The following NBEA variants were observed in gnomAD, a reference collection of about 807,000 sequenced individuals.
NBEA encodes the protein lysosomal-trafficking regulator 2.
Under a neutral mutation model 343.4 loss-of-function variants are expected in NBEA, and 44 were observed. The observed-to-expected ratio is 0.13, with a 90% CI of 0.10 to 0.16. The LOEUF (loss-of-function observed/expected upper bound fraction) is 0.16. NBEA is among the 10% of genes least tolerant of loss of function. NBEA has a pLI of 1.00. For synonymous variants in NBEA, 1,175 were observed against 1,238.7 expected, an observed-to-expected ratio of 0.95 and a Z score of 1.08; for missense variants, 2,555 against 3,631.3, an observed-to-expected ratio of 0.70 and a Z score of 7.62.
chr13:35,061,725 C>T (rs1309975385), intron 8 of NBEA, among the ~76,000 whole-genome samples: 2 of 151,816 alleles, frequency 1.3e-5, no homozygotes, highest in East Asian at 3.9e-4. Flanking sequence ...TTAAAATTCA[C>T]TTCAGAGGAT....
Position 34,943,083 on chromosome 13 carries a change from A to G in NBEA, c.263A>G (p.Asn88Ser), listed in dbSNP as rs199909627. ...CTCATACAGGTCGGAGAGGTCAGCA[A>G]CAGGGACATCGTGGAGACGGTGCTC... ...IGLIQVGEVSNRDIVETVLNL... is the reference protein window; with the variant it reads ...IGLIQVGEVSSRDIVETVLNL... The change falls in exon 1 of 59, where the codon AAC becomes AGC. Residue 88 changes from asparagine (N) to serine (S), a missense_variant. Coordinates refer to ENST00000379939, the MANE Select transcript of NBEA (RefSeq NM_001385012.1). 69 of 1,613,642 alleles carry G rather than the reference A, an allele frequency of 4.3e-5. No individual in the cohort carries two copies. The highest frequency in any genetic ancestry group is 8.5e-7 in the Non-Finnish European group (1 of 1,179,784).
intron 34 of NBEA, among the ~76,000 whole-genome samples, chr13:35,244,024 C>A (rs1231190268): frequency 6.6e-6 from 1 of 151,702 alleles, no homozygotes; most frequent in Non-Finnish European, 1.5e-5. Flanking sequence ...TACATTAAGA[C>A]CATATGTTAG....
chr13:35,404,610 G>A (rs1429502408), intron 38 of NBEA, among the ~76,000 whole-genome samples: 3 of 112,142 alleles, frequency 2.7e-5, no homozygotes, highest in Admixed American at 2.1e-4. Context: ...TTGTGGGGTG[G>A]GGGGAGGGGG....
intron 37 of NBEA, among the ~76,000 whole-genome samples, chr13:35,350,820 T>A (rs1346158588): frequency 6.6e-6 from 1 of 150,970 alleles, no homozygotes; most frequent in Middle Eastern, 3.4e-3. Context: ...ATTTTACAAG[T>A]CATGACATTT....
chr13:35,029,855 A>G (rs762476459), intron 1 of NBEA, among the ~76,000 whole-genome samples: 29 of 151,694 alleles, frequency 1.9e-4, no homozygotes, highest in Non-Finnish European at 4.0e-4. Flanking sequence ...ACTGCAGTTT[A>G]AAAAGCTCAG....
intron 33 of NBEA, among the ~76,000 whole-genome samples, chr13:35,226,903 G>T (rs1015454823): frequency 2.0e-5 from 3 of 151,698 alleles, no homozygotes; most frequent in Non-Finnish European, 1.5e-5. Context: ...GCTCACGTAG[G>T]CATTACACAT....
intron 41 of NBEA, among the ~76,000 whole-genome samples, chr13:35,505,104 TAA>T (rs2077026241): frequency 6.6e-6 from 1 of 152,120 alleles, no homozygotes; most frequent in Non-Finnish European, 1.5e-5. Context: ...ATAACATTTT[TAA>T]AAGAGGCTAT....
chr13:35,256,597 A>G (rs74048962), intron 34 of NBEA, among the ~76,000 whole-genome samples: 2,303 of 152,110 alleles, frequency 0.015, 53 homozygotes, highest in African/African-American at 0.052. Context: ...CAGGCTGTTC[A>G]TGCCGAGGGG....
chr13:35,652,143 C>T (rs1254588843), intron 53 of NBEA, among the ~76,000 whole-genome samples: 2 of 151,908 alleles, frequency 1.3e-5, no homozygotes, highest in African/African-American at 4.8e-5. Context: ...TTCTTTCAGC[C>T]TAAAGTGTTC....
intron 49 of NBEA, among the ~76,000 whole-genome samples, chr13:35,628,452 C>A (rs1231411106): frequency 6.6e-6 from 1 of 152,194 alleles, no homozygotes; most frequent in Non-Finnish European, 1.5e-5. Flanking sequence ...ATTTCAGACA[C>A]TTTAAATATA....
chr13:35,142,411 G>A lies in NBEA; in HGVS notation c.2445+34G>A, dbSNP rs777214903. ...AAAAAATGTGTGATGAAAGTTTTAA[G>A]TGTATACAGTGGAAACCCTCTTAAT... On this transcript the variant is annotated intron_variant, in intron 18 of 58. Coordinates refer to ENST00000379939, the MANE Select transcript of NBEA (RefSeq NM_001385012.1). 6.7e-6 allele frequency: 10 copies of A among 1,488,750 alleles called. No individual in the cohort carries two copies. In the African/African-American group the frequency reaches 6.9e-5, roughly 10 times the overall value. The allele number at this position is 1,488,750 out of a possible 1,614,324, so 92.2% of individuals were successfully genotyped here. A position where few individuals can be genotyped will look rare whatever the true frequency, so the allele number is the denominator to read the frequency against.
intron 17 of NBEA, among the ~76,000 whole-genome samples, chr13:35,124,578 A>G (rs988631256): frequency 1.3e-5 from 2 of 150,406 alleles, no homozygotes; most frequent in African/African-American, 4.9e-5. Context: ...ATGGATATAT[A>G]TATACATACA....
chr13:34,983,375 AG>A (rs1334810032), intron 1 of NBEA, among the ~76,000 whole-genome samples: 2 of 152,174 alleles, frequency 1.3e-5, no homozygotes, highest in Non-Finnish European at 2.9e-5. Flanking sequence ...ATGGCTGCAT[AG>A]TATCCCATGG....
intron 1 of NBEA, among the ~76,000 whole-genome samples, chr13:34,948,599 C>A (rs1313248247): frequency 6.6e-6 from 1 of 151,910 alleles, no homozygotes; most frequent in African/African-American, 2.4e-5. Context: ...AGAAGGAATC[C>A]CCAGTAACAT....
intron 41 of NBEA, chr13:35,475,727 G>C: frequency 1.2e-6 from 2 of 1,613,896 alleles, no homozygotes; most frequent in Non-Finnish European, 1.7e-6. Context: ...TCTACCGCTT[G>C]AGCCACCAGC....
At chr13:35,010,744 ATATATATATATATATATATAT>A (rs2061466067) in intron 1 of NBEA, among the ~76,000 whole-genome samples, 1 of 62,230 alleles carries the variant, frequency 1.6e-5, no homozygotes, top group African/African-American at 8.6e-5. Flanking sequence ...AAAAAAAAAT[ATATATATATATATATATATAT>A]ATATATATAT....
chr13:35,606,723 A>G (rs1324249195), intron 48 of NBEA, 145 bp downstream of exon 48: 1 of 670,460 alleles, frequency 1.5e-6, no homozygotes, highest in Non-Finnish European at 2.2e-6. Flanking sequence ...TGAAAAAGAA[A>G]ACATTTTACT....
intron 28 of NBEA, among the ~76,000 whole-genome samples, chr13:35,179,962 A>G (rs1446925098): frequency 1.3e-5 from 2 of 151,782 alleles, no homozygotes; most frequent in Admixed American, 6.6e-5. Flanking sequence ...AAAAGCTATA[A>G]CCCACAATGT....
At position 35,177,082 on chromosome 13, in the gene NBEA, T is replaced by A. The variant is rs746855902; in HGVS notation, c.4641T>A (p.Arg1547=). ...AGGATGTTGATATCAATCGCCTTCGTGCTGTTGTCTTTCGGGATGTGGTAA... is the reference window on the plus strand; with the variant it reads ...AGGATGTTGATATCAATCGCCTTCGAGCTGTTGTCTTTCGGGATGTGGTAA... The part of the protein sequence containing the change: ...LLQDVDINRL[R]AVVFRDVDDS... Residue 1547 remains arginine (R), a synonymous_variant, in exon 28 of 59, where the codon CGT becomes CGA. Coordinates refer to ENST00000379939, the MANE Select transcript of NBEA (RefSeq NM_001385012.1). 1.2e-6 allele frequency: 2 copies of A among 1,601,250 alleles called. No homozygotes were observed. The highest frequency in any genetic ancestry group is 1.7e-6 in the Non-Finnish European group (2 of 1,172,694).
Sources: allele counts gnomAD v4.1 joint callset (sites outside exome capture counted in the v4.1 genomes callset), GRCh38; gene constraint gnomAD v4.1.1; transcripts MANE v1.5; gene names NCBI Gene and HGNC (gene_info 2026-07-23, HGNC 2026-07-21).